The following GRIN2A variants were observed in gnomAD, a reference collection of about 807,000 sequenced individuals.
The protein encoded by GRIN2A is glutamate ionotropic receptor NMDA type subunit 2A, also known as glutamate receptor ionotropic, NMDA 2A.
In GRIN2A, 22 loss-of-function variants were observed where a neutral mutation model predicts 113.4. The observed-to-expected ratio is 0.19, with a 90% confidence interval of 0.14 to 0.28. The LOEUF (loss-of-function observed/expected upper bound fraction) is 0.28, where lower values mean the gene tolerates loss of function less well. GRIN2A is among the 10% of genes least tolerant of loss of function. The pLI is 1.00. For missense variants in GRIN2A, 1,502 were observed against 1,887.0 expected, an observed-to-expected ratio of 0.80 and a Z score of 3.78; for synonymous variants, 827 against 738.4, an observed-to-expected ratio of 1.12 and a Z score of -1.94.
At chr16:10,023,055 C>T (rs972708301) in intron 2 of GRIN2A, among the ~76,000 whole-genome samples, 4 of 152,104 alleles carry the variant, frequency 2.6e-5, no homozygotes, top group African/African-American at 9.7e-5. Context: ...TTAAACAACC[C>T]GAGATGATCA....
chr16:9,991,365 C>T (rs2046109618), intron 2 of GRIN2A, among the ~76,000 whole-genome samples: 1 of 152,190 alleles, frequency 6.6e-6, no homozygotes, highest in Admixed American at 6.5e-5. Context: ...AGTGGTCCTA[C>T]AGGTAAAATA....
chr16:9,896,792 A>G (rs553341073), intron 3 of GRIN2A, among the ~76,000 whole-genome samples: 42 of 152,302 alleles, frequency 2.8e-4, no homozygotes, highest in African/African-American at 8.4e-4. Flanking sequence ...TCTAGGAAGG[A>G]CAATCCATAT....
intron 3 of GRIN2A, among the ~76,000 whole-genome samples, chr16:9,907,776 C>G (rs2044055057): frequency 6.6e-6 from 1 of 152,178 alleles, no homozygotes; most frequent in South Asian, 2.1e-4. Flanking sequence ...GCTCACTGAG[C>G]TTCCAGCCTC....
intron 2 of GRIN2A, among the ~76,000 whole-genome samples, chr16:10,130,680 G>T (rs1250522401): frequency 6.6e-6 from 1 of 152,192 alleles, no homozygotes; most frequent in Non-Finnish European, 1.5e-5. Context: ...ATTCAACAAT[G>T]TTGAGTAACA....
At chr16:9,840,126 A>G (rs1186217920) in intron 7 of GRIN2A, among the ~76,000 whole-genome samples, 1 of 152,152 alleles carries the variant, frequency 6.6e-6, no homozygotes, top group African/African-American at 2.4e-5. Flanking sequence ...TCAAAAAAAT[A>G]AACTGTCTGA....
intron 2 of GRIN2A, among the ~76,000 whole-genome samples, chr16:10,012,466 T>C (rs1354253532): frequency 1.3e-5 from 2 of 152,212 alleles, no homozygotes; most frequent in East Asian, 1.9e-4. Context: ...AAATGCAACA[T>C]CTAGCATGGA....
At chr16:9,899,175 G>A (rs188672955) in intron 3 of GRIN2A, among the ~76,000 whole-genome samples, 13 of 151,920 alleles carry the variant, frequency 8.6e-5, no homozygotes, top group East Asian at 3.9e-4. Flanking sequence ...GCGGTGGCTC[G>A]CACCTGTAAT....
chr16:9,877,636 G>A (rs576267260), intron 4 of GRIN2A, among the ~76,000 whole-genome samples: 2 of 103,882 alleles, frequency 1.9e-5, no homozygotes, highest in Non-Finnish European at 3.6e-5. Flanking sequence ...CCCCAGTTCC[G>A]TCTTCCTCTC....
At chr16:9,785,174 G>C (rs1902161355) in intron 11 of GRIN2A, among the ~76,000 whole-genome samples, 1 of 152,120 alleles carries the variant, frequency 6.6e-6, no homozygotes, top group East Asian at 1.9e-4. Context: ...CAATAGCAAA[G>C]ACTTGGAACC....
chr16:9,767,551 T>A (rs1900994658), intron 12 of GRIN2A, among the ~76,000 whole-genome samples: 1 of 151,362 alleles, frequency 6.6e-6, no homozygotes, highest in African/African-American at 2.4e-5. Context: ...TCCTAATTAA[T>A]GAAGTTCTTC....
At chr16:9,877,863 C>A (rs2043402083) in intron 4 of GRIN2A, among the ~76,000 whole-genome samples, 1 of 92,036 alleles carries the variant, frequency 1.1e-5, no homozygotes, top group Non-Finnish European at 2.1e-5. Context: ...CCTCTCCCTG[C>A]CTCCCTCTCC....
intron 2 of GRIN2A, among the ~76,000 whole-genome samples, chr16:10,108,779 A>C (rs1280337104): frequency 6.6e-6 from 1 of 152,212 alleles, no homozygotes; most frequent in East Asian, 1.9e-4. Context: ...AGGCAGACTT[A>C]TTACTATTCT....
chr16:10,119,490 T>C (rs553475232), intron 2 of GRIN2A, among the ~76,000 whole-genome samples: 1 of 152,174 alleles, frequency 6.6e-6, no homozygotes, highest in Non-Finnish European at 1.5e-5. Flanking sequence ...AAACAGCAGA[T>C]TCAAACAAAC....
rs546738265 is a variant in GRIN2A, at chr16:9,925,427, A to G, written c.1007+12532T>C. 1.2e-4 allele frequency among the ~76,000 whole-genome samples: 18 copies of G among 152,256 alleles called. No homozygotes were observed. The East Asian group carries it at 3.3e-3, about 28-fold the overall frequency. ...CTCACCCTTATGTTGAGCAGTATTC[A>G]GCTCAACACTAAGGTGGGCCTTAGG... On this transcript the variant is annotated intron_variant, in intron 3 of 12. Transcript: ENST00000330684.
intron 2 of GRIN2A, among the ~76,000 whole-genome samples, chr16:10,053,140 G>A (rs1380433296): frequency 6.6e-6 from 1 of 152,080 alleles, no homozygotes; most frequent in African/African-American, 2.4e-5. Flanking sequence ...CCACTGTTCA[G>A]GGCCACAACA....
intron 2 of GRIN2A, among the ~76,000 whole-genome samples, chr16:9,996,725 C>T (rs1350654225): frequency 6.6e-6 from 1 of 152,080 alleles, no homozygotes; most frequent in Admixed American, 6.6e-5. Context: ...GAGGCTATAC[C>T]TATTTTTTAA....
chr16:9,783,751 C>T (rs975790188), intron 11 of GRIN2A, among the ~76,000 whole-genome samples: 2 of 152,190 alleles, frequency 1.3e-5, no homozygotes. Flanking sequence ...GTGTACTCAA[C>T]GTCTGCCAAT....
intron 12 of GRIN2A, among the ~76,000 whole-genome samples, chr16:9,767,962 A>T (rs753405860): frequency 6.6e-6 from 1 of 152,264 alleles, no homozygotes; most frequent in Admixed American, 6.5e-5. Flanking sequence ...GCATAGCAGC[A>T]TTAGTAGTGT....
chr16:9,988,777 GACTA>G (rs778493449), intron 2 of GRIN2A, among the ~76,000 whole-genome samples: 8 of 152,048 alleles, frequency 5.3e-5, no homozygotes, highest in Non-Finnish European at 1.0e-4. Context: ...TCTCAAATAA[GACTA>G]ACTATCGGCC....
Sources: gnomAD v4.1 joint callset for allele counts (sites outside exome capture counted in the v4.1 genomes callset) on GRCh38, gnomAD v4.1.1 for gene constraint, MANE v1.5 for transcripts, NCBI Gene and HGNC (gene_info 2026-07-23, HGNC 2026-07-21) for gene names.